LYRM4: variants seen among roughly 807,000 people sequenced by gnomAD.
LYRM4 encodes LYR motif-containing protein 4.
Under a neutral mutation model 11.7 loss-of-function variants are expected in LYRM4, and 9 were observed. The observed-to-expected ratio is 0.77, with a 90% CI of 0.46 to 1.34. The LOEUF (loss-of-function observed/expected upper bound fraction) is 1.34, where lower values mean the gene tolerates loss of function less well. Among genes scored for constraint, LYRM4 ranks in the 40% most tolerant of loss-of-function variants. The probability of loss-of-function intolerance (pLI) is 0.00; values close to 1 mark genes in which losing one functional copy is unlikely to be tolerated. For missense variants in LYRM4, 133 were observed against 112.5 expected, an observed-to-expected ratio of 1.18 and a Z score of -0.82; for synonymous variants, 42 against 40.4, an observed-to-expected ratio of 1.04 and a Z score of -0.15.
Position 5,204,730 on chromosome 6 carries a change from C to CT in LYRM4, c.207+11887dup, listed in dbSNP as rs11427806. On this transcript the variant is annotated intron_variant, in intron 2 of 2. Transcript: ENST00000330636. Reference sequence around the variant, plus strand: ...GCACAGATGACAGATCCTCCCGTGACTTGTGTTTCTTTTTCCCGGGTGCAT... The same window carrying CT: ...GCACAGATGACAGATCCTCCCGTGACTTTGTGTTTCTTTTTCCCGGGTGCAT... Among the ~76,000 whole-genome samples, 1,352 of 152,294 alleles carry CT rather than the reference C, an allele frequency of 8.9e-3. 18 individuals are homozygous for CT. The highest frequency in any genetic ancestry group is 0.031 in the African/African-American group (1,268 of 41,560).
chr6:5,085,651 G>T, the LYRM4 span: 1 of 1,548,762 alleles, frequency 6.5e-7, no homozygotes, highest in East Asian at 2.4e-5. Flanking sequence ...TCAGCTAGGG[G>T]ATAGGCCCCT....
intron 2 of LYRM4, among the ~76,000 whole-genome samples, chr6:5,134,785 A>C (rs1439860967): frequency 6.6e-6 from 1 of 152,212 alleles, no homozygotes; most frequent in African/African-American, 2.4e-5. Context: ...TAAACAGCAA[A>C]AAGTCTTCGT....
chr6:5,196,946 T>C (rs1241938142), intron 2 of LYRM4, among the ~76,000 whole-genome samples: 2 of 152,240 alleles, frequency 1.3e-5, no homozygotes, highest in South Asian at 2.1e-4. Flanking sequence ...GAAATATTGA[T>C]AAATGCAAAC....
At chr6:5,078,837 CT>C in the LYRM4 span, among the ~76,000 whole-genome samples, 2 of 152,176 alleles carry the variant, frequency 1.3e-5, no homozygotes, top group East Asian at 3.8e-4. Context: ...TGAAAAATCA[CT>C]GTGGCTTTAG....
At chr6:5,094,841 G>A in the LYRM4 span, among the ~76,000 whole-genome samples, 1 of 152,176 alleles carries the variant, frequency 6.6e-6, no homozygotes, top group Non-Finnish European at 1.5e-5. Flanking sequence ...ATCGCTGAAG[G>A]GGAAGGGGGA....
At chr6:5,220,606 G>A (rs1762525105) in intron 1 of LYRM4, among the ~76,000 whole-genome samples, 1 of 152,190 alleles carries the variant, frequency 6.6e-6, no homozygotes, top group African/African-American at 2.4e-5. Context: ...ATTCTAGCAT[G>A]TCCCCATATT....
chr6:5,167,065 A>G (rs888716375), intron 2 of LYRM4, among the ~76,000 whole-genome samples: 1 of 152,158 alleles, frequency 6.6e-6, no homozygotes, highest in Non-Finnish European at 1.5e-5. Context: ...TGTTGCCTGA[A>G]TGATCAGCTG....
At chr6:5,044,558 C>T in the LYRM4 span, among the ~76,000 whole-genome samples, 2 of 152,218 alleles carry the variant, frequency 1.3e-5, no homozygotes, top group Non-Finnish European at 2.9e-5. Context: ...TGGAGCTTCC[C>T]TCTGACGTGT....
the LYRM4 span, among the ~76,000 whole-genome samples, chr6:5,084,172 T>C: frequency 2.0e-5 from 3 of 152,372 alleles, no homozygotes; most frequent in East Asian, 5.8e-4. Flanking sequence ...CCCCGAGTGA[T>C]GTCCGTGCAT....
intron 2 of LYRM4, among the ~76,000 whole-genome samples, chr6:5,116,154 G>C (rs545786989): frequency 1.3e-3 from 196 of 152,288 alleles, no homozygotes; most frequent in African/African-American, 4.5e-3. Flanking sequence ...TGACTACAGA[G>C]TGCTCTGATG....
chr6:5,086,492 GC>G, the LYRM4 span: 1 of 1,537,352 alleles, frequency 6.5e-7, no homozygotes, highest in African/African-American at 1.4e-5. Flanking sequence ...TGCGCGCAGG[GC>G]GAGTACTGGG....
chr6:5,242,918 C>T (rs895521754), intron 1 of LYRM4, among the ~76,000 whole-genome samples: 11 of 151,156 alleles, frequency 7.3e-5, no homozygotes, highest in African/African-American at 1.9e-4. Context: ...GGACTACAGG[C>T]GCCCGCCACC....
chr6:5,108,755 G>A lies in LYRM4; in HGVS notation c.*668C>T. On this transcript the variant is annotated 3_prime_UTR_variant, in exon 3 of 3. Coordinates refer to ENST00000330636, the MANE Select transcript of LYRM4 (RefSeq NM_020408.6). ...CAGGTGTGGGGAGGGGCTTGAGCCT[G>A]CATTTCCAGCAAATTCCCAGGTGGG... 1.0e-6 allele frequency: 1 copy of A among 981,442 alleles called. No homozygotes were observed. The highest frequency in any genetic ancestry group is 4.7e-5 in the South Asian group (1 of 21,198). The allele number at this position is 981,442 out of a possible 1,614,324, so 60.8% of individuals were successfully genotyped here. A position where few individuals can be genotyped will look rare whatever the true frequency, so the allele number is the denominator to read the frequency against.
At position 5,203,878 on chromosome 6, in the gene LYRM4, A is replaced by G. The variant is rs112087159; in HGVS notation, c.207+12740T>C. Among the ~76,000 whole-genome samples the G allele has an allele frequency of 7.7e-4, 117 of 152,338 alleles. 3 individuals carry two copies. Among genetic ancestry groups the G allele is most frequent in the African/African-American group, 2.7e-3 (114 of 41,580 alleles). On this transcript the variant is annotated intron_variant, in intron 2 of 2. Transcript: ENST00000330636. The stretch of plus-strand genomic sequence containing the variant: ...CTGAAACCAAAGTGGGAACGTCTCC[A>G]TCAGGATTTGTTTTAGCACTTGAGT...
chr6:5,232,902 T>C (rs1032441173), intron 1 of LYRM4, among the ~76,000 whole-genome samples: 16 of 152,214 alleles, frequency 1.1e-4, no homozygotes, highest in Admixed American at 8.5e-4. Context: ...TGTGGGTGTT[T>C]AGCATCCATG....
intron 2 of LYRM4, among the ~76,000 whole-genome samples, chr6:5,167,415 G>A (rs777388407): frequency 1.3e-5 from 2 of 151,920 alleles, no homozygotes; most frequent in Non-Finnish European, 2.9e-5. Context: ...TTCCCTCTTC[G>A]CCTATTAATT....
At chr6:5,152,722 T>G (rs538696504) in intron 2 of LYRM4, among the ~76,000 whole-genome samples, 9 of 152,320 alleles carry the variant, frequency 5.9e-5, no homozygotes, top group African/African-American at 1.9e-4. Flanking sequence ...TGGAACTGTT[T>G]CCAGGGGATG....
intron 2 of LYRM4, among the ~76,000 whole-genome samples, chr6:5,170,397 G>C (rs984153774): frequency 2.0e-5 from 3 of 152,096 alleles, no homozygotes; most frequent in African/African-American, 7.2e-5. Flanking sequence ...TTTTCAAGGG[G>C]AGTATCCAAA....
At chr6:5,179,945 T>C (rs1346465544) in intron 2 of LYRM4, among the ~76,000 whole-genome samples, 2 of 152,234 alleles carry the variant, frequency 1.3e-5, no homozygotes, top group East Asian at 3.8e-4. Flanking sequence ...TCATAGGAGA[T>C]GTAAGTATGG....
Sources: gnomAD v4.1 joint callset for allele counts (sites outside exome capture counted in the v4.1 genomes callset) on GRCh38, gnomAD v4.1.1 for gene constraint, MANE v1.5 for transcripts, NCBI Gene and HGNC (gene_info 2026-07-23, HGNC 2026-07-21) for gene names.